DPP4: variants seen among roughly 807,000 people sequenced by gnomAD.
The protein encoded by DPP4 is dipeptidyl peptidase 4, also known as ADCP-2.
A neutral mutation model predicts 122.4 loss-of-function variants in DPP4; 93 were observed. The observed-to-expected ratio is 0.76, with a 90% CI of 0.64 to 0.90. DPP4 has a LOEUF of 0.90. Ranked by LOEUF, DPP4 falls within the 40% of genes least tolerant of loss-of-function variation. DPP4 has a pLI of 0.00. For missense variants in DPP4, 914 were observed against 907.3 expected (o/e 1.01, Z -0.09); for synonymous variants, 321 against 302.9 (o/e 1.06, Z -0.62).
chr2:162,022,809 G>C lies in DPP4; in HGVS notation c.1024-10C>G. 1 of 1,613,874 alleles carries C rather than the reference G, an allele frequency of 6.2e-7. No homozygotes were observed. The highest frequency in any genetic ancestry group is 8.5e-7 in the Non-Finnish European group (1 of 1,179,954). ...CAATGTGTTGCCGTGCCTAGGAAGG[G>C]AAAGAGACAATGACAGCATTTCAAA... On this transcript the variant is annotated splice_polypyrimidine_tract_variant and intron_variant, in intron 11 of 25. Coordinates refer to ENST00000360534, the MANE Select transcript of DPP4 (RefSeq NM_001935.4).
In DPP4 at chr2:162,005,423, T is replaced by A. The variant is rs529146746; in HGVS notation, c.2052+322A>T. On this transcript the variant is annotated intron_variant, in intron 23 of 25. Coordinates refer to ENST00000360534, the MANE Select transcript of DPP4 (RefSeq NM_001935.4). ...AATATATAGCTAAAGGTTTAGAGAGTCTTCTGGGCTCTAAAGGAATATGTT... is the reference window on the plus strand; with the variant it reads ...AATATATAGCTAAAGGTTTAGAGAGACTTCTGGGCTCTAAAGGAATATGTT... 1.4e-3 allele frequency among the ~76,000 whole-genome samples: 217 copies of A among 152,230 alleles called. 1 individual carries two copies. The highest frequency in any genetic ancestry group is 4.8e-3 in the African/African-American group (200 of 41,542).
At chr2:162,009,446 T>C (rs1241799025) in intron 20 of DPP4, 151 bp from the exon 21 acceptor site, 2 of 650,586 alleles carry the variant, frequency 3.1e-6, no homozygotes, top group Admixed American at 2.7e-5. Flanking sequence ...ACACCTGAGA[T>C]AAATATCTAT....
At chr2:161,997,769 G>A (rs1271876639) in intron 23 of DPP4, among the ~76,000 whole-genome samples, 6 of 152,146 alleles carry the variant, frequency 3.9e-5, no homozygotes, top group East Asian at 3.9e-4. Context: ...CAATATTTGC[G>A]TAAAATAGGT....
At chr2:162,059,000 G>A (rs1684668933) in intron 2 of DPP4, among the ~76,000 whole-genome samples, 1 of 152,218 alleles carries the variant, frequency 6.6e-6, no homozygotes, top group African/African-American at 2.4e-5. Context: ...TCCAATATAT[G>A]TAGCAGAAAA....
chr2:162,033,730 C>T (rs1683653158), intron 9 of DPP4, 77 bp from the exon 10 acceptor site: 3 of 912,342 alleles, frequency 3.3e-6, no homozygotes, highest in Non-Finnish European at 5.0e-6. Context: ...TAAAACTGCA[C>T]AAAAACGTCT....
intron 10 of DPP4, among the ~76,000 whole-genome samples, chr2:162,031,521 C>T (rs530035571): frequency 2.3e-4 from 35 of 152,298 alleles, no homozygotes; most frequent in Admixed American, 2.0e-3. Flanking sequence ...ATATTGGTGA[C>T]AGACCAAAAG....
intron 11 of DPP4, among the ~76,000 whole-genome samples, 182 bp downstream of exon 11, chr2:162,024,622 C>A (rs560980553): frequency 2.6e-5 from 4 of 152,266 alleles, no homozygotes; most frequent in African/African-American, 9.6e-5. Context: ...AATAGAAGCA[C>A]CTCGGGATGG....
intron 18 of DPP4, among the ~76,000 whole-genome samples, chr2:162,015,559 GAGATGTAT>G (rs1172571869): frequency 6.6e-6 from 1 of 152,022 alleles, no homozygotes; most frequent in Non-Finnish European, 1.5e-5. Flanking sequence ...CACTTTTTTG[GAGATGTAT>G]AGTCTTTGGT....
chr2:162,009,456 T>C (rs773346327), intron 20 of DPP4, among the ~76,000 whole-genome samples, 161 bp from the exon 21 acceptor site: 16 of 152,062 alleles, frequency 1.1e-4, no homozygotes, highest in Non-Finnish European at 2.1e-4. Flanking sequence ...TAAATATCTA[T>C]CATTTTAACC....
chr2:162,062,891 A>T (rs1324303682), intron 2 of DPP4, among the ~76,000 whole-genome samples: 1 of 152,126 alleles, frequency 6.6e-6, no homozygotes, highest in African/African-American at 2.4e-5. Flanking sequence ...ATTAGTACAC[A>T]GGAGCGGAGG....
chr2:162,043,131 A>G (rs147599547), intron 5 of DPP4, among the ~76,000 whole-genome samples: 1 of 152,350 alleles, frequency 6.6e-6, no homozygotes, highest in Non-Finnish European at 1.5e-5. Context: ...GGAGGCCCAC[A>G]GCTATGCTGA....
intron 5 of DPP4, among the ~76,000 whole-genome samples, chr2:162,039,407 C>T (rs1322444722): frequency 6.6e-6 from 1 of 152,060 alleles, no homozygotes; most frequent in African/African-American, 2.4e-5. Flanking sequence ...CTGGCACCAC[C>T]TCCTCCAGGA....
At position 162,074,095 on chromosome 2, in the gene DPP4, G is replaced by A. The variant is rs201140501; in HGVS notation, c.-114C>T. 1.4e-5 allele frequency: 21 copies of A among 1,483,440 alleles called. No individual in the cohort carries two copies. The African/African-American group carries it at 2.7e-4, about 19-fold the overall frequency. 91.9% of individuals were successfully genotyped at this position (1,483,440 alleles called of 1,614,324 possible). The stretch of plus-strand genomic sequence containing the variant: ...GCTCCGGGCGGTGGAGTCACTCGCC[G>A]CTGGCAAGTTTCGGCCCCGAGTTAA... On this transcript the variant is annotated 5_prime_UTR_variant, in exon 1 of 26. Transcript: ENST00000360534.
At chr2:162,021,523 C>G (rs1472804288) in intron 12 of DPP4, 1 of 152,194 alleles carries the variant, frequency 6.6e-6, no homozygotes, top group East Asian at 1.9e-4. Flanking sequence ...GATGTTTCCT[C>G]TCTCATCAGC....
At chr2:161,995,418 A>G (rs1377504641) in intron 23 of DPP4, 46 bp from the exon 24 acceptor site, 2 of 1,549,424 alleles carry the variant, frequency 1.3e-6, no homozygotes, top group Non-Finnish European at 8.9e-7. Flanking sequence ...AGGATCTGCC[A>G]TAAACTGATT....
intron 19 of DPP4, among the ~76,000 whole-genome samples, chr2:162,013,376 TGAAAA>T (rs957427781): frequency 2.4e-4 from 36 of 152,286 alleles, no homozygotes; most frequent in African/African-American, 8.2e-4. Flanking sequence ...TTATTTTACT[TGAAAA>T]GAAATCAGAT....
chr2:162,031,658 C>G (rs1683554924), intron 10 of DPP4, among the ~76,000 whole-genome samples: 1 of 152,190 alleles, frequency 6.6e-6, no homozygotes. Context: ...TCTGCACATT[C>G]TCCAGGGGGT....
At position 162,020,240 on chromosome 2, in the gene DPP4, G is replaced by A; in HGVS notation, c.1233C>T (p.Thr411=). 1 of 1,610,482 alleles carries A rather than the reference G, an allele frequency of 6.2e-7. No homozygotes were observed. Among genetic ancestry groups the A allele is most frequent in the Non-Finnish European group, 8.5e-7 (1 of 1,178,990 alleles). Residue 411 remains threonine, a synonymous_variant, in exon 14 of 26, where the codon ACC becomes ACT. Transcript: ENST00000360534. ...TWEVIGIEAL[T]SDYLYYISNE... is the part of the protein sequence containing the mutation. ...GTTACAATACTCACAGATAATCACT[G>A]GTTAGAGCTTCTATCCCGATGACTT...
At chr2:162,035,740 G>A (rs1007236541) in intron 8 of DPP4, among the ~76,000 whole-genome samples, 1 of 152,110 alleles carries the variant, frequency 6.6e-6, no homozygotes, top group African/African-American at 2.4e-5. Flanking sequence ...TGAGCCCGCA[G>A]GGTACTGGTG....
Sources: allele counts gnomAD v4.1 joint callset (sites outside exome capture counted in the v4.1 genomes callset), GRCh38; gene constraint gnomAD v4.1.1; transcripts MANE v1.5; gene names NCBI Gene and HGNC (gene_info 2026-07-23, HGNC 2026-07-21).